Variants in TXNDC9 observed in about 807,000 individuals in gnomAD.
TXNDC9 encodes the protein thioredoxin domain-containing protein 9.
Under a neutral mutation model 23.0 loss-of-function variants are expected in TXNDC9, and 7 were observed. The observed-to-expected ratio is 0.30, with a 90% CI of 0.17 to 0.57. TXNDC9 has a LOEUF of 0.57. Among genes scored for constraint, TXNDC9 ranks in the 20% least tolerant of loss-of-function variants. The pLI, the probability that TXNDC9 is intolerant of heterozygous loss-of-function variation, is 0.90. For missense variants in TXNDC9, 198 were observed against 252.6 expected, an observed-to-expected ratio of 0.78 and a Z score of 1.47; for synonymous variants, 72 against 90.6, an observed-to-expected ratio of 0.79 and a Z score of 1.17.
In TXNDC9 at chr2:99,325,898, C is replaced by A. The variant is rs532669398; in HGVS notation, c.308+1637G>T. 7.1e-4 allele frequency among the ~76,000 whole-genome samples: 108 copies of A among 151,972 alleles called. 1 individual carries two copies. The highest frequency in any genetic ancestry group is 2.5e-3 in the African/African-American group (102 of 41,452). On this transcript the variant is annotated intron_variant, in intron 3 of 4. Transcript: ENST00000264255. Reference sequence around the variant, plus strand: ...TAGTGGTGGGTGACTGTAGCCCTGGCTACTCGGGAGGCTGAGGCAGGAGAA... The same window carrying A: ...TAGTGGTGGGTGACTGTAGCCCTGGATACTCGGGAGGCTGAGGCAGGAGAA...
intron 2 of TXNDC9, among the ~76,000 whole-genome samples, chr2:99,330,694 CAGA>C (rs1197876717): frequency 2.6e-5 from 4 of 152,312 alleles, no homozygotes; most frequent in South Asian, 2.1e-4. Context: ...GCTTGGCTGA[CAGA>C]AGAATATAGA....
chr2:99,327,723 G>A, intron 2 of TXNDC9, 70 bp from the exon 3 acceptor site: 1 of 870,954 alleles, frequency 1.1e-6, no homozygotes, highest in East Asian at 2.7e-5. Context: ...CATTTTAAGT[G>A]TCCAAATCAC....
the TXNDC9 span, among the ~76,000 whole-genome samples, chr2:99,311,655 G>A: frequency 1.3e-5 from 2 of 151,768 alleles, no homozygotes; most frequent in Non-Finnish European, 2.9e-5. Context: ...TTCCAGGCAT[G>A]AGCCACCATG....
At chr2:99,316,264 C>T (rs2094188915), downstream of TXNDC9, among the ~76,000 whole-genome samples, 1 of 152,124 alleles carries the variant, frequency 6.6e-6, no homozygotes, top group East Asian at 1.9e-4. Context: ...TAGCCTCAAA[C>T]TCCTGGGCTC....
At chr2:99,309,790 G>A in the TXNDC9 span, among the ~76,000 whole-genome samples, 66,710 of 152,004 alleles carry the variant, frequency 0.44, 15,021 homozygotes, top group Admixed American at 0.58. Context: ...AGGTTCAAGC[G>A]ATTCTCTTGC....
chr2:99,327,412 A>C (rs910019989), intron 3 of TXNDC9, 123 bp downstream of exon 3: 4 of 726,516 alleles, frequency 5.5e-6, no homozygotes, highest in Non-Finnish European at 9.5e-6. Context: ...GAGAGAGTAC[A>C]ATGAAACAAC....
intron 2 of TXNDC9, among the ~76,000 whole-genome samples, chr2:99,330,979 T>A (rs2094224167): frequency 6.6e-6 from 1 of 152,224 alleles, no homozygotes; most frequent in East Asian, 1.9e-4. Context: ...ACATTAATAA[T>A]AAAAAAGGCT....
chr2:99,317,660 T>G (rs906601114), downstream of TXNDC9, among the ~76,000 whole-genome samples: 18 of 152,122 alleles, frequency 1.2e-4, 1 homozygote, highest in Non-Finnish European at 2.9e-5. Flanking sequence ...TCATTTTTTA[T>G]AGAGACAGGG....
At chr2:99,307,335 A>C in the TXNDC9 span, 1 of 151,580 alleles carries the variant, frequency 6.6e-6, no homozygotes, top group South Asian at 2.1e-4. Flanking sequence ...AGTATTTACA[A>C]TTATTATGAT....
rs1050785168 is a variant in TXNDC9 at position 99,333,583 on chromosome 2, A to G, written c.-32-341T>C. ...TTATACCTAGTGATATATACTGACA[A>G]TCAGTGTTCTTTACCAATGGGAAAG... On this transcript the variant is annotated intron_variant, in intron 1 of 4. Coordinates refer to ENST00000264255, the MANE Select transcript of TXNDC9 (RefSeq NM_005783.4). Among the ~76,000 whole-genome samples the G allele has an allele frequency of 4.9e-4, 74 of 152,332 alleles. No homozygotes were observed. The Middle Eastern group carries it at 0.01, about 21-fold the overall frequency.
At chr2:99,318,655 C>CCA (rs1253200867), downstream of TXNDC9, among the ~76,000 whole-genome samples, 14 of 152,212 alleles carry the variant, frequency 9.2e-5, no homozygotes, top group Non-Finnish European at 1.6e-4. Context: ...AACCTTCACT[C>CCA]TACGTACGAG....
At chr2:99,311,777 CTTT>C in the TXNDC9 span, among the ~76,000 whole-genome samples, 1 of 152,180 alleles carries the variant, frequency 6.6e-6, no homozygotes, top group Non-Finnish European at 1.5e-5. Flanking sequence ...TGATTTTTGT[CTTT>C]ATGATCAGAT....
chr2:99,333,038 G>A lies in TXNDC9; in HGVS notation c.173C>T (p.Ala58Val). ...AGAGGTTACTTGTTTCTGCTGTTGA[G>A]CTTTCCTTAGTGCCTGGAGTCTCTT... Reference protein sequence around the residue: ...KEKRLQALRKAQQQKQEWLSK... With the variant: ...KEKRLQALRKVQQQKQEWLSK... The change falls in exon 2 of 5, where the codon GCT (alanine) becomes GTT (valine). Residue 58 changes from alanine (A) to valine (V), a missense_variant. Physicochemically the swap from Ala to Val is moderately conservative, Grantham distance 64. Coordinates refer to ENST00000264255, the MANE Select transcript of TXNDC9 (RefSeq NM_005783.4). The A allele has an allele frequency of 6.2e-7, 1 of 1,613,962 alleles. No individual in the cohort carries two copies. Among genetic ancestry groups the A allele is most frequent in the Non-Finnish European group, 8.5e-7 (1 of 1,179,930 alleles).
the TXNDC9 span, among the ~76,000 whole-genome samples, chr2:99,307,034 CT>C: frequency 3.8e-5 from 4 of 105,620 alleles, no homozygotes; most frequent in African/African-American, 6.3e-5. Context: ...TTCCTTCTTC[CT>C]TTTCTTTCTT....
rs2094196919 is a variant in TXNDC9, at chr2:99,319,660, ATT to A, written c.*20_*21del. 5.9e-6 allele frequency: 9 copies of A among 1,521,418 alleles called. No homozygotes were observed. Among genetic ancestry groups the A allele is most frequent in the Non-Finnish European group, 8.0e-6 (9 of 1,119,050 alleles). The allele number at this position is 1,521,418 out of a possible 1,614,324, so 94.2% of individuals were successfully genotyped here. On this transcript the variant is annotated 3_prime_UTR_variant, in exon 5 of 5. Transcript: ENST00000264255. ...AATCTGAAGCAGAAAAAAAAAGACA[ATT>A]TACAAAGAATTATTGAGCTCTAATC...
chr2:99,312,496 C>CA, the TXNDC9 span, among the ~76,000 whole-genome samples: 4,931 of 60,756 alleles, frequency 0.081, 138 homozygotes, highest in African/African-American at 0.15. Flanking sequence ...GACTCCGTCT[C>CA]AAAAAAAAAA....
At position 99,328,012 on chromosome 2, in the gene TXNDC9, T is replaced by C. The variant is rs184207864; in HGVS notation, c.190-359A>G. On this transcript the variant is annotated intron_variant, in intron 2 of 4. Transcript: ENST00000264255. ...GTTGGCCAGGATGGTCTCGATCTCT[T>C]GACCTTGTGATCCGCCTGCCTCGGC... 3.9e-3 allele frequency among the ~76,000 whole-genome samples: 599 copies of C among 152,186 alleles called. 6 individuals carry two copies. The highest frequency in any genetic ancestry group is 0.014 in the African/African-American group (573 of 41,542).
At chr2:99,335,755 C>T (rs1279965750) in intron 1 of TXNDC9, among the ~76,000 whole-genome samples, 2 of 152,088 alleles carry the variant, frequency 1.3e-5, no homozygotes, top group South Asian at 2.1e-4. Flanking sequence ...TGGAAAAAGA[C>T]GAGATTAAGA....
Position 99,319,651 on chromosome 2 carries a change from A to G in TXNDC9, c.*31T>C. 1 of 1,498,056 alleles carries G rather than the reference A, an allele frequency of 6.7e-7. No homozygotes were observed. Among genetic ancestry groups the G allele is most frequent in the Non-Finnish European group, 9.1e-7 (1 of 1,097,432 alleles). 92.8% of individuals were successfully genotyped at this position (1,498,056 alleles called of 1,614,324 possible). A position where few individuals can be genotyped will look rare whatever the true frequency, so the allele number is the denominator to read the frequency against. On this transcript the variant is annotated 3_prime_UTR_variant, in exon 5 of 5. Transcript: ENST00000264255. Reference sequence around the variant, plus strand: ...ACACATTTAAATCTGAAGCAGAAAAAAAAAGACAATTTACAAAGAATTATT... The same window carrying G: ...ACACATTTAAATCTGAAGCAGAAAAGAAAAGACAATTTACAAAGAATTATT...
Sources: gnomAD v4.1 joint callset for allele counts (sites outside exome capture counted in the v4.1 genomes callset) on GRCh38, gnomAD v4.1.1 for gene constraint, MANE v1.5 for transcripts, NCBI Gene and HGNC (gene_info 2026-07-23, HGNC 2026-07-21) for gene names.